Variants in FOXP1 observed in about 807,000 individuals in gnomAD.
FOXP1 encodes the protein forkhead box P1.
A neutral mutation model predicts 98.2 loss-of-function variants in FOXP1; 15 were observed. That is an observed-to-expected ratio of 0.15 (90% CI 0.10 to 0.24). The LOEUF (loss-of-function observed/expected upper bound fraction) is 0.24, where lower values mean the gene tolerates loss of function less well. FOXP1 is among the 10% of genes least tolerant of loss of function. The pLI, the probability that FOXP1 is intolerant of heterozygous loss-of-function variation, is 1.00. For missense variants in FOXP1, 633 were observed against 848.5 expected (o/e 0.75, Z 3.15); for synonymous variants, 371 against 314.5 (o/e 1.18, Z -1.90).
chr3:71,406,305 C>T (rs756880179), intron 3 of FOXP1, among the ~76,000 whole-genome samples: 1 of 151,482 alleles, frequency 6.6e-6, no homozygotes, highest in Non-Finnish European at 1.5e-5. Context: ...CTATTTCCAG[C>T]TTCTTGGAGC....
chr3:71,488,344 G>C (rs1009365427), intron 3 of FOXP1, among the ~76,000 whole-genome samples: 2 of 152,142 alleles, frequency 1.3e-5, no homozygotes, highest in African/African-American at 4.8e-5. Flanking sequence ...TTACAGTTCT[G>C]TCTGAAGAAC....
At position 71,030,415 on chromosome 3, in the gene FOXP1, T is replaced by A. The variant is rs191929371; in HGVS notation, c.869+10913A>T. Among the ~76,000 whole-genome samples, 34 of 152,336 alleles carry A rather than the reference T, an allele frequency of 2.2e-4. No homozygotes were observed. In the East Asian group the frequency reaches 3.9e-3, roughly 17 times the overall value. ...CACCTACAGGCTTTGCCAGACCAACTTACCCCAACAGTAACCTCAGCCCCA... is the reference window on the plus strand; with the variant it reads ...CACCTACAGGCTTTGCCAGACCAACATACCCCAACAGTAACCTCAGCCCCA... On this transcript the variant is annotated intron_variant, in intron 11 of 20. Transcript: ENST00000649528.
At chr3:71,094,625 TAA>T (rs1438569621) in intron 7 of FOXP1, among the ~76,000 whole-genome samples, 1 of 152,216 alleles carries the variant, frequency 6.6e-6, no homozygotes, top group African/African-American at 2.4e-5. Flanking sequence ...TGCTTCCCAC[TAA>T]AAGTTTCAGG....
chr3:71,504,627 A>C (rs2041669627), intron 2 of FOXP1, among the ~76,000 whole-genome samples: 1 of 152,182 alleles, frequency 6.6e-6, no homozygotes, highest in Admixed American at 6.5e-5. Context: ...CCTTCTGACA[A>C]AGGAAACGTG....
chr3:71,463,807 A>C (rs2088412125), intron 3 of FOXP1, among the ~76,000 whole-genome samples: 1 of 152,128 alleles, frequency 6.6e-6, no homozygotes. Context: ...CTTGGCTAGG[A>C]CCAAGAACAG....
At chr3:71,318,165 T>A (rs2075188453) in intron 4 of FOXP1, among the ~76,000 whole-genome samples, 2 of 152,110 alleles carry the variant, frequency 1.3e-5, no homozygotes, top group South Asian at 4.1e-4. Flanking sequence ...TTTTTTTTTT[T>A]TTTTTTCCTT....
Position 71,368,111 on chromosome 3 carries a change from T to C in FOXP1, c.-167-8867A>G, listed in dbSNP as rs145708994. Among the ~76,000 whole-genome samples the C allele has an allele frequency of 1.2e-3, 189 of 152,212 alleles. 1 individual carries two copies. Among genetic ancestry groups the C allele is most frequent in the African/African-American group, 4.4e-3 (182 of 41,560 alleles). Reference sequence around the variant, plus strand: ...GGCTCTTAGTTGGGATTTATTTATTTAATTTTTATTTTATTTATTTATTTA... The same window carrying C: ...GGCTCTTAGTTGGGATTTATTTATTCAATTTTTATTTTATTTATTTATTTA... On this transcript the variant is annotated intron_variant, in intron 3 of 20. Transcript: ENST00000649528.
At chr3:71,516,880 GTTCA>G (rs1312934812) in intron 2 of FOXP1, among the ~76,000 whole-genome samples, 3 of 152,142 alleles carry the variant, frequency 2.0e-5, no homozygotes, top group Non-Finnish European at 2.9e-5. Flanking sequence ...TCATTCTTCT[GTTCA>G]TTCATTCACT....
At chr3:71,394,293 CT>C (rs1399249026) in intron 3 of FOXP1, among the ~76,000 whole-genome samples, 1 of 152,174 alleles carries the variant, frequency 6.6e-6, no homozygotes, top group Non-Finnish European at 1.5e-5. Context: ...CTTTTTAAGC[CT>C]CCCCTATTTC....
In FOXP1 at chr3:71,406,441, T is replaced by C. The variant is rs576985629; in HGVS notation, c.-167-47197A>G. 4.6e-4 allele frequency among the ~76,000 whole-genome samples: 48 copies of C among 103,908 alleles called. 2 individuals are homozygous for C. Among genetic ancestry groups the C allele is most frequent in the African/African-American group, 1.5e-3 (48 of 32,808 alleles). 68.2% of individuals were successfully genotyped at this position (103,908 alleles called of 152,430 possible). Reference sequence around the variant, plus strand: ...TATATATATGGTACAGTATGATTTTTTGACACATGCGTATCTTGTGTGAAA... The same window carrying C: ...TATATATATGGTACAGTATGATTTTCTGACACATGCGTATCTTGTGTGAAA... On this transcript the variant is annotated intron_variant, in intron 3 of 20. Coordinates refer to ENST00000649528, the MANE Select transcript of FOXP1 (RefSeq NM_001349338.3).
At chr3:71,421,414 CT>C (rs1170536539) in intron 3 of FOXP1, among the ~76,000 whole-genome samples, 1 of 152,114 alleles carries the variant, frequency 6.6e-6, no homozygotes, top group African/African-American at 2.4e-5. Context: ...AATATTTTTT[CT>C]GTGCTAGAAC....
chr3:70,988,150 A>G, intron 13 of FOXP1, 73 bp from the exon 14 acceptor site: 1 of 1,260,694 alleles, frequency 7.9e-7, no homozygotes, highest in Non-Finnish European at 1.2e-6. Context: ...AATGATACAT[A>G]TTACAAATTA....
intron 6 of FOXP1, among the ~76,000 whole-genome samples, chr3:71,124,103 AC>A (rs527990392): frequency 1.7e-4 from 25 of 151,104 alleles, no homozygotes; most frequent in Non-Finnish European, 3.1e-4. Flanking sequence ...CTGCACATGT[AC>A]CCATGAATTT....
At chr3:71,066,587 A>C (rs191503971) in intron 7 of FOXP1, among the ~76,000 whole-genome samples, 125 of 152,342 alleles carry the variant, frequency 8.2e-4, no homozygotes, top group Non-Finnish European at 1.3e-3. Flanking sequence ...GAGAGCCCCA[A>C]CGGCAGGAAA....
At chr3:71,133,166 C>T (rs776316445) in intron 6 of FOXP1, among the ~76,000 whole-genome samples, 3 of 152,160 alleles carry the variant, frequency 2.0e-5, no homozygotes, top group African/African-American at 7.2e-5. Flanking sequence ...AGAATGCTGC[C>T]ACCACTGCTG....
chr3:71,059,189 GCTAT>G lies in FOXP1; in HGVS notation c.283-5420_283-5417del, dbSNP rs370115816. Among the ~76,000 whole-genome samples the G allele has an allele frequency of 8.6e-4, 131 of 152,082 alleles. 1 individual carries two copies. The highest frequency in any genetic ancestry group is 2.9e-3 in the African/African-American group (122 of 41,502). Reference sequence around the variant, plus strand: ...TGTTTATTACATTCTATCAAGAAAGGCTATCTTTCTTTCACAAAAAAATTGTAAG... The same window carrying G: ...TGTTTATTACATTCTATCAAGAAAGGCTTTCTTTCACAAAAAAATTGTAAG... On this transcript the variant is annotated intron_variant, in intron 7 of 20. Transcript: ENST00000649528.
chr3:71,043,761 C>G (rs1160385780), intron 10 of FOXP1, among the ~76,000 whole-genome samples: 1 of 152,156 alleles, frequency 6.6e-6, no homozygotes, highest in African/African-American at 2.4e-5. Flanking sequence ...CCCGCTTTCT[C>G]TCGAAGAAAA....
At chr3:71,104,122 G>A (rs1575706329) in intron 7 of FOXP1, among the ~76,000 whole-genome samples, 1 of 152,108 alleles carries the variant, frequency 6.6e-6, no homozygotes, top group Non-Finnish European at 1.5e-5. Context: ...TTGGCGGGGC[G>A]CATCATCGTC....
chr3:71,156,440 G>A (rs1172758555), intron 6 of FOXP1, among the ~76,000 whole-genome samples: 1 of 152,112 alleles, frequency 6.6e-6, no homozygotes, highest in Non-Finnish European at 1.5e-5. Context: ...CTTCAATGGA[G>A]GGGTGCACCA....
Sources: gnomAD v4.1 joint callset for allele counts (sites outside exome capture counted in the v4.1 genomes callset) on GRCh38, gnomAD v4.1.1 for gene constraint, MANE v1.5 for transcripts, NCBI Gene and HGNC (gene_info 2026-07-23, HGNC 2026-07-21) for gene names.